The following ACTL8 variants were observed in gnomAD, a reference collection of about 807,000 sequenced individuals.
ACTL8 encodes actin-like protein 8.
ACTL8 carries 3 observed loss-of-function variants against 9.3 expected under a neutral mutation model. That is an observed-to-expected ratio of 0.32 (90% CI 0.15 to 0.83). The LOEUF is 0.83. Among genes scored for constraint, ACTL8 ranks in the 40% least tolerant of loss-of-function variants. The probability of loss-of-function intolerance (pLI) is 0.57; values close to 1 mark genes in which losing one functional copy is unlikely to be tolerated. For missense variants in ACTL8, 381 were observed against 492.2 expected, an observed-to-expected ratio of 0.77 and a Z score of 2.14; for synonymous variants, 224 against 205.9, an observed-to-expected ratio of 1.09 and a Z score of -0.75.
chr1:17,802,276 A>G lies in ACTL8; in HGVS notation c.-24-20709A>G, dbSNP rs545364605. ...ACCAGCCTCCACGGTGTGTGGATTC[A>G]GGTTGCTGTTTGTTTCTATGAAGTT... On this transcript the variant is annotated intron_variant, in intron 1 of 2. Coordinates refer to ENST00000375406, the MANE Select transcript of ACTL8 (RefSeq NM_030812.3). 2.0e-4 allele frequency among the ~76,000 whole-genome samples: 31 copies of G among 152,126 alleles called. No homozygotes were observed. The South Asian group carries it at 6.0e-3, about 30-fold the overall frequency.
At chr1:17,822,940 G>A in intron 1 of ACTL8, 45 bp from the exon 2 acceptor site, 2 of 1,368,256 alleles carry the variant, frequency 1.5e-6, no homozygotes, top group Non-Finnish European at 2.0e-6. Flanking sequence ...TGCTTATGGT[G>A]GCCTAGGCTG....
rs186688807 is a variant in ACTL8, at chr1:17,803,916, T to A, written c.-24-19069T>A. Among the ~76,000 whole-genome samples the A allele has an allele frequency of 2.6e-3, 389 of 152,328 alleles. 1 individual carries two copies. The highest frequency in any genetic ancestry group is 4.4e-3 in the Admixed American group (67 of 15,298). On this transcript the variant is annotated intron_variant, in intron 1 of 2. Transcript: ENST00000375406. Reference sequence around the variant, plus strand: ...AGTTTATTTTTCTAGTTCTCAGTTTTTGTACCTGTAAGTTGGAAAATTGGA... The same window carrying A: ...AGTTTATTTTTCTAGTTCTCAGTTTATGTACCTGTAAGTTGGAAAATTGGA...
chr1:17,761,587 T>C (rs1447449514), intron 1 of ACTL8, among the ~76,000 whole-genome samples: 1 of 152,012 alleles, frequency 6.6e-6, no homozygotes, highest in Admixed American at 6.5e-5. Flanking sequence ...TGTTTTTTTT[T>C]TGGGACTGAG....
intron 1 of ACTL8, among the ~76,000 whole-genome samples, chr1:17,760,931 G>A (rs1235227457): frequency 1.3e-5 from 2 of 152,150 alleles, no homozygotes; most frequent in Non-Finnish European, 2.9e-5. Context: ...GAGAAAGATG[G>A]ATCCGAGGGG....
intron 1 of ACTL8, among the ~76,000 whole-genome samples, chr1:17,763,565 C>T (rs75295585): frequency 0.03 from 4,568 of 152,190 alleles, 244 homozygotes; most frequent in African/African-American, 0.1. Context: ...GAGGTTCTGA[C>T]GAATTGGAGG....
chr1:17,773,613 TG>T (rs1286478523), intron 1 of ACTL8, among the ~76,000 whole-genome samples: 1 of 152,188 alleles, frequency 6.6e-6, no homozygotes, highest in Non-Finnish European at 1.5e-5. Context: ...TGACACAAGC[TG>T]GGGAGCAATT....
chr1:17,799,373 C>T lies in ACTL8; in HGVS notation c.-24-23612C>T, dbSNP rs1424831292. Among the ~76,000 whole-genome samples, 7 of 152,154 alleles carry T rather than the reference C, an allele frequency of 4.6e-5. No individual in the cohort carries two copies. The East Asian group carries it at 1.3e-3, about 29-fold the overall frequency. On this transcript the variant is annotated intron_variant, in intron 1 of 2. Coordinates refer to ENST00000375406, the MANE Select transcript of ACTL8 (RefSeq NM_030812.3). Reference sequence around the variant, plus strand: ...TGTTGCTGATCAATGTATGTTTGAACATCATCTCCTTATATGCTTGCTGTT... The same window carrying T: ...TGTTGCTGATCAATGTATGTTTGAATATCATCTCCTTATATGCTTGCTGTT...
chr1:17,800,232 A>G (rs1209193901), intron 1 of ACTL8, among the ~76,000 whole-genome samples: 1 of 152,224 alleles, frequency 6.6e-6, no homozygotes, highest in Admixed American at 6.5e-5. Flanking sequence ...TTAATAATGT[A>G]AAACTTTTCT....
chr1:17,755,384 G>C lies in ACTL8; in HGVS notation c.-145G>C, dbSNP rs1016992682. The C allele has an allele frequency of 7.9e-5, 12 of 152,226 alleles. No individual in the cohort carries two copies. Among genetic ancestry groups the C allele is most frequent in the African/African-American group, 2.9e-4 (12 of 41,460 alleles). The allele number at this position is 152,226 out of a possible 1,614,324, so 9.4% of individuals were successfully genotyped here. A position where few individuals can be genotyped will look rare whatever the true frequency, so the allele number is the denominator to read the frequency against. On this transcript the variant is annotated 5_prime_UTR_variant, in exon 1 of 3. Transcript: ENST00000375406. ...AGCCGCTCTCGTGCAGGCGTTTGCA[G>C]TGTGCAGCTGAGTTCGGCAGCTCAC...
intron 1 of ACTL8, among the ~76,000 whole-genome samples, chr1:17,765,103 G>A (rs1208066713): frequency 6.6e-6 from 1 of 152,204 alleles, no homozygotes; most frequent in Non-Finnish European, 1.5e-5. Flanking sequence ...GGTACCAACT[G>A]GAGGTGCTGG....
At chr1:17,820,423 G>A (rs77469536) in intron 1 of ACTL8, among the ~76,000 whole-genome samples, 6,546 of 151,840 alleles carry the variant, frequency 0.043, 190 homozygotes, top group Non-Finnish European at 0.061. Context: ...CTTTGGGTTG[G>A]TTTCTATTTT....
chr1:17,783,573 G>A (rs1377065628), intron 1 of ACTL8, among the ~76,000 whole-genome samples: 2 of 152,182 alleles, frequency 1.3e-5, no homozygotes, highest in East Asian at 1.9e-4. Flanking sequence ...TCCTGCTGCC[G>A]TTTGGCTCTC....
chr1:17,784,182 A>G (rs139993882), intron 1 of ACTL8, among the ~76,000 whole-genome samples: 3 of 152,326 alleles, frequency 2.0e-5, no homozygotes, highest in Non-Finnish European at 2.9e-5. Context: ...CCGAAGGTGA[A>G]GGGGAAGCAA....
At chr1:17,783,365 A>G (rs3063132) in intron 1 of ACTL8, among the ~76,000 whole-genome samples, 1 of 70,076 alleles carries the variant, frequency 1.4e-5, no homozygotes, top group Non-Finnish European at 3.6e-5. Context: ...TTTTTTTTTT[A>G]AAAAAACTCC....
intron 1 of ACTL8, among the ~76,000 whole-genome samples, chr1:17,771,666 T>A (rs1345958057): frequency 6.6e-6 from 1 of 152,024 alleles, no homozygotes; most frequent in Non-Finnish European, 1.5e-5. Context: ...GATTTTTGGC[T>A]TCGAGGCCCC....
At chr1:17,825,713 G>C in intron 2 of ACTL8, 54 bp from the exon 3 acceptor site, 3 of 1,570,974 alleles carry the variant, frequency 1.9e-6, no homozygotes, top group Non-Finnish European at 2.6e-6. Flanking sequence ...CTTCAGCTTT[G>C]ACTGCTGAGC....
At chr1:17,758,602 C>T (rs1210208674) in intron 1 of ACTL8, among the ~76,000 whole-genome samples, 1 of 152,122 alleles carries the variant, frequency 6.6e-6, no homozygotes, top group Middle Eastern at 3.2e-3. Flanking sequence ...TGACCATTTA[C>T]CAAAATAATA....
intron 1 of ACTL8, among the ~76,000 whole-genome samples, chr1:17,780,307 A>G (rs1397981462): frequency 1.3e-5 from 2 of 152,312 alleles, no homozygotes; most frequent in East Asian, 3.9e-4. Context: ...GCTCTTGTCT[A>G]AAGACCAGGT....
At chr1:17,770,660 A>G (rs2066076524) in intron 1 of ACTL8, among the ~76,000 whole-genome samples, 1 of 152,136 alleles carries the variant, frequency 6.6e-6, no homozygotes, top group African/African-American at 2.4e-5. Context: ...GGTCATTTCT[A>G]CCATGCACAG....
Sources: gnomAD v4.1 joint callset for allele counts (sites outside exome capture counted in the v4.1 genomes callset) on GRCh38, gnomAD v4.1.1 for gene constraint, MANE v1.5 for transcripts, NCBI Gene and HGNC (gene_info 2026-07-23, HGNC 2026-07-21) for gene names.